The following GSTM2 variants were observed in gnomAD, a reference collection of about 807,000 sequenced individuals.
GSTM2 encodes the protein glutathione S-transferase mu 2, also known as GST class-mu 2.
Under a neutral mutation model 33.3 loss-of-function variants are expected in GSTM2, and 33 were observed. The ratio of observed to expected loss-of-function variants is 0.99; its 90% CI spans 0.75 to 1.33. The LOEUF is 1.33. Among genes scored for constraint, GSTM2 ranks in the 40% most tolerant of loss-of-function variants. GSTM2 has a pLI of 0.00. For missense variants in GSTM2, 213 were observed against 265.8 expected (o/e 0.80, Z 1.38); for synonymous variants, 93 against 95.6 (o/e 0.97, Z 0.16).
chr1:109,681,832 C>T, intron 7 of GSTM2: 2 of 1,600,616 alleles, frequency 1.2e-6, no homozygotes, highest in Non-Finnish European at 1.7e-6. Flanking sequence ...TGGATTCAGG[C>T]TGGTAAGTGA....
At chr1:109,673,690 C>T (rs533881670) in intron 7 of GSTM2, among the ~76,000 whole-genome samples, 66 of 152,172 alleles carry the variant, frequency 4.3e-4, no homozygotes, top group Non-Finnish European at 8.4e-4. Context: ...ACCTCCGCTT[C>T]CTGGGTTCAA....
Position 109,668,489 on chromosome 1 carries a change from C to T in GSTM2, c.101C>T (p.Thr34Met). The stretch of plus-strand genomic sequence containing the variant: ...TCAAGCTACGAGGAAAAGAAGTACA[C>T]GATGGGGGACGGTAATGGCACCCTC... Reference protein sequence around the residue: ...TDSSYEEKKYTMGDAPDYDRS... With the variant: ...TDSSYEEKKYMMGDAPDYDRS... Residue 34 changes from threonine to methionine, a missense_variant, in exon 2 of 8, where the codon ACG becomes ATG. Transcript: ENST00000241337. The T allele has an allele frequency of 3.1e-6, 5 of 1,614,140 alleles. No individual in the cohort carries two copies. The highest frequency in any genetic ancestry group is 4.2e-6 in the Non-Finnish European group (5 of 1,179,962).
At position 109,671,529 on chromosome 1, in the gene GSTM2, GC is replaced by G; in HGVS notation, c.516del (p.Ser173AlafsTer9). 1.2e-6 allele frequency: 2 copies of G among 1,613,716 alleles called. No homozygotes were observed. The highest frequency in any genetic ancestry group is 1.7e-6 in the Non-Finnish European group (2 of 1,179,624). On this transcript the variant is annotated frameshift_variant, in exon 7 of 8. Coordinates refer to ENST00000241337, the MANE Select transcript of GSTM2 (RefSeq NM_000848.4). LOFTEE classifies it high-confidence loss of function. ...DVLERNQVFE[P>X]SCLDAFPNLK... ...TCCTTGAGAGAAACCAAGTATTTGA[GC>G]CCAGCTGCCTGGATGCCTTCCCAAA... is the stretch of plus-strand genomic sequence containing the variant.
At chr1:109,670,359 T>A (rs1647489206) in intron 5 of GSTM2, 1 of 152,150 alleles carries the variant, frequency 6.6e-6, no homozygotes, top group Non-Finnish European at 1.5e-5. Context: ...CACCTCTCAT[T>A]TTGATCAGGA....
At chr1:109,673,388 G>A in intron 7 of GSTM2, 1 of 1,053,520 alleles carries the variant, frequency 9.5e-7, no homozygotes, top group Non-Finnish European at 1.4e-6. Context: ...TTGTTTGAGA[G>A]CAGCAAATCC....
chr1:109,668,543 G>A, intron 2 of GSTM2, 43 bp downstream of exon 2: 1 of 1,608,838 alleles, frequency 6.2e-7, no homozygotes, highest in South Asian at 1.1e-5. Flanking sequence ...CTCACACTAA[G>A]TTGGCACCAA....
Position 109,669,577 on chromosome 1 carries a change from T to TC in GSTM2, c.360+12dup, listed in dbSNP as rs35289531. ...TCTGCTATGACCCAGATTTTGTAAG[T>TC]CCCCCCACCCCACTCCCAGTCTCCC... On this transcript the variant is annotated splice_region_variant and intron_variant, in intron 5 of 7. Coordinates refer to ENST00000241337, the MANE Select transcript of GSTM2 (RefSeq NM_000848.4). The TC allele has an allele frequency of 5.1e-6, 8 of 1,555,294 alleles. No homozygotes were observed. The East Asian group carries it at 9.0e-5, about 18-fold the overall frequency.
chr1:109,674,411 C>T (rs1200087676), intron 7 of GSTM2, among the ~76,000 whole-genome samples: 4 of 152,088 alleles, frequency 2.6e-5, no homozygotes, highest in Non-Finnish European at 5.9e-5. Flanking sequence ...CTTCTGTTTC[C>T]CACATGACAA....
At chr1:109,669,842 T>A in intron 5 of GSTM2, 1 of 448,158 alleles carries the variant, frequency 2.2e-6, no homozygotes, top group East Asian at 3.8e-5. Flanking sequence ...CCGCAGACCT[T>A]CGCAGTGAGT....
Position 109,668,847 on chromosome 1 carries a change from T to C in GSTM2, c.113-78T>C, listed in dbSNP as rs545475320. On this transcript the variant is annotated intron_variant, in intron 2 of 7. Coordinates refer to ENST00000241337, the MANE Select transcript of GSTM2 (RefSeq NM_000848.4). ...CCACCTGTCTCAGGGGTCTTGCCAC[T>C]GGCTCCTTGGGAGGGTCCCCAGGAA... is the stretch of plus-strand genomic sequence containing the variant. The C allele has an allele frequency of 1.5e-5, 23 of 1,559,516 alleles. No homozygotes were observed. In the South Asian group the frequency reaches 2.6e-4, roughly 17 times the overall value.
chr1:109,671,973 G>GA (rs34285855), intron 7 of GSTM2, among the ~76,000 whole-genome samples: 6,989 of 76,404 alleles, frequency 0.091, 463 homozygotes, highest in African/African-American at 0.23. Context: ...TCCATCTCAA[G>GA]AAAAAAAAAA....
intron 7 of GSTM2, among the ~76,000 whole-genome samples, chr1:109,682,799 A>G (rs1482380521): frequency 5.7e-5 from 7 of 123,824 alleles, no homozygotes; most frequent in African/African-American, 1.8e-4. Flanking sequence ...TTTATATTTC[A>G]GATTTCCTAA....
At chr1:109,678,432 T>A (rs1467716006), downstream of GSTM2, among the ~76,000 whole-genome samples, 2 of 152,090 alleles carry the variant, frequency 1.3e-5, no homozygotes, top group East Asian at 3.8e-4. Flanking sequence ...CCACCACTCC[T>A]GGCCTAACAT....
chr1:109,668,963 T>C lies in GSTM2; in HGVS notation c.151T>C (p.Phe51Leu), dbSNP rs1318865291. 2 of 1,611,972 alleles carry C rather than the reference T, an allele frequency of 1.2e-6. No homozygotes were observed. The highest frequency in any genetic ancestry group is 3.3e-5 in the Admixed American group (2 of 59,972). Reference protein sequence around the residue: ...YDRSQWLNEKFKLGLDFPNLP... With the variant: ...YDRSQWLNEKLKLGLDFPNLP... Reference sequence around the variant, plus strand: ...CAGAAGCCAGTGGCTGAATGAAAAATTCAAGCTGGGCCTGGACTTTCCCAA... The same window carrying C: ...CAGAAGCCAGTGGCTGAATGAAAAACTCAAGCTGGGCCTGGACTTTCCCAA... The change falls in exon 3 of 8, where the codon TTC becomes CTC. Residue 51 changes from phenylalanine (F) to leucine (L), a missense_variant. Coordinates refer to ENST00000241337, the MANE Select transcript of GSTM2 (RefSeq NM_000848.4).
At chr1:109,669,138 C>G (rs924229081) in intron 3 of GSTM2, 149 bp downstream of exon 3, 1 of 1,264,750 alleles carries the variant, frequency 7.9e-7, no homozygotes, top group East Asian at 2.3e-5. Flanking sequence ...GCATGATGTT[C>G]TGTGTCCCAG....
rs780886757 is a variant in GSTM2, at chr1:109,669,350, A to T, written c.238A>T (p.Ile80Phe). Residue 80 changes from isoleucine (I) to phenylalanine (F), a missense_variant, in exon 4 of 8, where the codon ATT becomes TTT. Physicochemically the swap from Ile to Phe is conservative, Grantham distance 21. Transcript: ENST00000241337. ...CCAGAGCAACGCCATCCTGCGGTAC[A>T]TTGCCCGCAAGCACAACCTGTGTGA... is the stretch of plus-strand genomic sequence containing the variant. ...ITQSNAILRYIARKHNLCGES... is the reference protein window; with the variant it reads ...ITQSNAILRYFARKHNLCGES... 6.2e-7 allele frequency: 1 copy of T among 1,614,232 alleles called. No individual in the cohort carries two copies. The highest frequency in any genetic ancestry group is 8.5e-7 in the Non-Finnish European group (1 of 1,180,040).
chr1:109,681,778 G>C, intron 7 of GSTM2: 1 of 1,571,782 alleles, frequency 6.4e-7, no homozygotes, highest in Non-Finnish European at 8.6e-7. Flanking sequence ...ACCATTATAA[G>C]AAAAACACTA....
At chr1:109,676,578 C>G (rs1647710809), downstream of GSTM2, among the ~76,000 whole-genome samples, 2 of 152,150 alleles carry the variant, frequency 1.3e-5, no homozygotes, top group South Asian at 4.1e-4. Context: ...GTCTCGAACT[C>G]CTGACCTCGT....
downstream of GSTM2, among the ~76,000 whole-genome samples, chr1:109,678,398 A>G (rs71665011): frequency 6.6e-6 from 1 of 151,980 alleles, no homozygotes; most frequent in Non-Finnish European, 1.5e-5. Context: ...CTACCCCTCA[A>G]AGTGCTGGGA....
Sources: allele counts gnomAD v4.1 joint callset (sites outside exome capture counted in the v4.1 genomes callset), GRCh38; gene constraint gnomAD v4.1.1; transcripts MANE v1.5; gene names NCBI Gene and HGNC (gene_info 2026-07-23, HGNC 2026-07-21).